Variants in MMP17 observed in about 807,000 individuals in gnomAD.
MMP17 encodes matrix metalloproteinase-17.
In MMP17, 54 loss-of-function variants were observed where a neutral mutation model predicts 49.1. The observed-to-expected ratio is 1.10, with a 90% CI of 0.88 to 1.38. MMP17 has a LOEUF of 1.38. Ranked by LOEUF, MMP17 falls within the 40% of genes most tolerant of loss-of-function variation. MMP17 has a pLI of 0.00. For synonymous variants in MMP17, 397 were observed against 383.1 expected (o/e 1.04, Z -0.42); for missense variants, 837 against 853.7 (o/e 0.98, Z 0.24).
Position 131,840,700 on chromosome 12 carries a change from G to A in MMP17, c.550G>A (p.Asp184Asn), listed in dbSNP as rs577709415. 2.1e-5 allele frequency: 33 copies of A among 1,605,816 alleles called. No homozygotes were observed. The highest frequency in any genetic ancestry group is 3.3e-4 in the Middle Eastern group (2 of 6,062). The stretch of plus-strand genomic sequence containing the variant: ...CCACGAGGTGGCGGGCAGCGCCGCC[G>A]ACATCCAGATCGACTTCTCCAAGGC... ...NFHEVAGSAADIQIDFSKADH... is the reference protein window; with the variant it reads ...NFHEVAGSAANIQIDFSKADH... Residue 184 changes from aspartate to asparagine, a missense_variant, in exon 4 of 10, where the codon GAC (aspartate) becomes AAC (asparagine). Transcript: ENST00000360564.
intron 1 of MMP17, among the ~76,000 whole-genome samples, chr12:131,837,114 A>G (rs537234082): frequency 6.6e-6 from 1 of 152,254 alleles, no homozygotes; most frequent in East Asian, 1.9e-4. Flanking sequence ...GGCCCTTCAG[A>G]GCAGAGCTGT....
chr12:131,840,890 G>C, intron 4 of MMP17, 34 bp downstream of exon 4: 1 of 1,540,596 alleles, frequency 6.5e-7, no homozygotes, highest in Non-Finnish European at 8.7e-7. Context: ...GCAGAGTCAG[G>C]AGCCCCAGCG....
intron 3 of MMP17, chr12:131,840,320 G>T: frequency 2.1e-6 from 1 of 482,342 alleles, no homozygotes; most frequent in Non-Finnish European, 3.7e-6. Context: ...CCACGCGGGA[G>T]CTGACGTTTG....
At position 131,842,888 on chromosome 12, in the gene MMP17, A is replaced by G. The variant is rs553809503; in HGVS notation, c.883+1088A>G. 6.1e-4 allele frequency among the ~76,000 whole-genome samples: 93 copies of G among 151,990 alleles called. No individual in the cohort carries two copies. The Middle Eastern group carries it at 0.031, about 50-fold the overall frequency. ...TGGTTCCAGAACTTTTTCATCACCC[A>G]CTACCACCGAAGGAGACCCGACGCC... On this transcript the variant is annotated intron_variant, in intron 5 of 9. Coordinates refer to ENST00000360564, the MANE Select transcript of MMP17 (RefSeq NM_016155.7).
intron 1 of MMP17, among the ~76,000 whole-genome samples, chr12:131,836,805 A>T (rs921341574): frequency 3.9e-5 from 6 of 152,188 alleles, no homozygotes; most frequent in Non-Finnish European, 7.3e-5. Flanking sequence ...AGGGCAGAGC[A>T]GCAGCTTCAT....
chr12:131,840,138 T>G, intron 3 of MMP17: 2 of 161,674 alleles, frequency 1.2e-5, no homozygotes, highest in Non-Finnish European at 2.7e-5. Context: ...TGGACGTGAA[T>G]TTGGCGGGAC....
At position 131,831,360 on chromosome 12, in the gene MMP17, G is replaced by A. The variant is rs549943556; in HGVS notation, c.159+2707G>A. On this transcript the variant is annotated intron_variant, in intron 1 of 9. Transcript: ENST00000360564. ...TTCTGTAGGAGGTGGGGTGGGGCGG[G>A]GCAGGTGGGGGGTACTGCTGAGGTT... Among the ~76,000 whole-genome samples, 39 of 152,298 alleles carry A rather than the reference G, an allele frequency of 2.6e-4. 1 individual carries two copies. In the South Asian group the frequency reaches 7.7e-3, roughly 30 times the overall value.
chr12:131,838,829 C>G (rs991711852), intron 3 of MMP17, 88 bp downstream of exon 3: 1 of 1,413,158 alleles, frequency 7.1e-7, no homozygotes, highest in Non-Finnish European at 9.4e-7. Context: ...TGGAGGTGGG[C>G]GCGTGGCCAG....
At chr12:131,838,893 G>A in intron 3 of MMP17, 152 bp downstream of exon 3, 1 of 981,690 alleles carries the variant, frequency 1.0e-6, no homozygotes, top group Non-Finnish European at 1.5e-6. Flanking sequence ...TGAGGAACAG[G>A]GTCTCCGTGG....
In MMP17 at chr12:131,851,344, C is replaced by T. The variant is rs999915606; in HGVS notation, c.*70C>T. ...TGGCCACAGAGGGCAAGGACTGTGC[C>T]GGAGTCCCTGGGGGAGGTGCTGGCG... On this transcript the variant is annotated 3_prime_UTR_variant, in exon 10 of 10. Transcript: ENST00000360564. The T allele has an allele frequency of 2.2e-5, 28 of 1,288,570 alleles. No individual in the cohort carries two copies. Among genetic ancestry groups the T allele is most frequent in the Middle Eastern group, 2.8e-4 (1 of 3,526 alleles). 79.8% of individuals were successfully genotyped at this position (1,288,570 alleles called of 1,614,324 possible). A position where few individuals can be genotyped will look rare whatever the true frequency, so the allele number is the denominator to read the frequency against.
intron 5 of MMP17, 38 bp downstream of exon 5, chr12:131,841,838 A>G: frequency 1.3e-6 from 2 of 1,521,628 alleles, no homozygotes; most frequent in East Asian, 4.9e-5. Context: ...GGGCCCCTGG[A>G]AGAGGGGTCA....
Position 131,845,341 on chromosome 12 carries a change from C to T in MMP17, c.1096C>T (p.Leu366=). The change falls in exon 8 of 10, where the codon CTG becomes TTG. Residue 366 remains leucine, a synonymous_variant. Coordinates refer to ENST00000360564, the MANE Select transcript of MMP17 (RefSeq NM_016155.7). ...RLTRDRHLVS[L]QPAQMHRFWR... ...GACGCGGGACCGGCACCTGGTGTCC[C>T]TGCAGCCGGCACAGATGCACCGCTT... 3 of 1,603,992 alleles carry T rather than the reference C, an allele frequency of 1.9e-6. No homozygotes were observed. Among genetic ancestry groups the T allele is most frequent in the Non-Finnish European group, 2.6e-6 (3 of 1,175,396 alleles).
rs1287124125 is a variant in MMP17 at position 131,846,459 on chromosome 12, C to T, written c.1204+1010C>T. ...TGGTGTGATCTCAGCTCACTGCAAC[C>T]TTCACCTCCCAGGTTGCAATTCTCC... On this transcript the variant is annotated intron_variant, in intron 8 of 9. Coordinates refer to ENST00000360564, the MANE Select transcript of MMP17 (RefSeq NM_016155.7). This position sits in a 1 kb window ranked among gnomAD's most constrained non-coding sequence, Gnocchi z 4.6. Among the ~76,000 whole-genome samples, 1 of 152,162 alleles carries T rather than the reference C, an allele frequency of 6.6e-6. No individual in the cohort carries two copies. The highest frequency in any genetic ancestry group is 1.5e-5 in the Non-Finnish European group (1 of 68,024).
At chr12:131,829,221 C>G (rs1471255982) in intron 1 of MMP17, among the ~76,000 whole-genome samples, 2 of 152,302 alleles carry the variant, frequency 1.3e-5, no homozygotes, top group East Asian at 3.9e-4. Context: ...AGCCTCCTTC[C>G]CCTCCACCCC....
rs1217821760 is a variant in MMP17, at chr12:131,845,544, G to A, written c.1204+95G>A. ...GGTCCAGCCTGCGTGTAAGCCCTAC[G>A]TCTGCCCAGAGGCTGGTCGAGCACA... On this transcript the variant is annotated intron_variant, in intron 8 of 9. Transcript: ENST00000360564. 2.3e-5 allele frequency: 33 copies of A among 1,428,072 alleles called. 2 individuals are homozygous for A. The Admixed American group carries it at 4.7e-4, about 20-fold the overall frequency. The allele number at this position is 1,428,072 out of a possible 1,614,324, so 88.5% of individuals were successfully genotyped here. A position where few individuals can be genotyped will look rare whatever the true frequency, so the allele number is the denominator to read the frequency against.
At position 131,851,028 on chromosome 12, in the gene MMP17, G is replaced by A. The variant is rs755303273; in HGVS notation, c.1566G>A (p.Val522=). ...YPQSTARDWL[V]CGDSQADGSV... is the part of the protein sequence containing the mutation. Reference sequence around the variant, plus strand: ...AGTCCACGGCCCGGGACTGGCTGGTGTGTGGAGACTCACAGGCCGATGGAT... The same window carrying A: ...AGTCCACGGCCCGGGACTGGCTGGTATGTGGAGACTCACAGGCCGATGGAT... The change falls in exon 10 of 10, where the codon GTG becomes GTA. Residue 522 remains valine, a synonymous_variant. Transcript: ENST00000360564. 8.1e-5 allele frequency: 131 copies of A among 1,609,034 alleles called. No homozygotes were observed. The highest frequency in any genetic ancestry group is 5.0e-4 in the Middle Eastern group (3 of 6,038).
At position 131,841,971 on chromosome 12, in the gene MMP17, G is replaced by A. The variant is rs560027031; in HGVS notation, c.883+171G>A. The stretch of plus-strand genomic sequence containing the variant: ...CCTGTCCACAGAGCCCACCCCTGAC[G>A]TCCCCAGAGCCCCTAGATCAGAATT... On this transcript the variant is annotated intron_variant, in intron 5 of 9. Coordinates refer to ENST00000360564, the MANE Select transcript of MMP17 (RefSeq NM_016155.7). 2.0e-4 allele frequency among the ~76,000 whole-genome samples: 30 copies of A among 152,282 alleles called. No individual in the cohort carries two copies. In the South Asian group the frequency reaches 5.6e-3, roughly 28 times the overall value.
chr12:131,830,103 C>G (rs1026037973), intron 1 of MMP17, among the ~76,000 whole-genome samples: 6 of 152,228 alleles, frequency 3.9e-5, no homozygotes, highest in African/African-American at 1.4e-4. Flanking sequence ...GGGGCCGGGG[C>G]AATGCCAGGG....
Position 131,844,101 on chromosome 12 carries a change from T to C in MMP17, c.968+20T>C. The C allele has an allele frequency of 6.5e-7, 1 of 1,539,682 alleles. No individual in the cohort carries two copies. Among genetic ancestry groups the C allele is most frequent in the Middle Eastern group, 1.8e-4 (1 of 5,686 alleles). Reference sequence around the variant, plus strand: ...CGCCCCGTAAGCCCTGGGCCCACGGTCACCACCCGCTGGGGTCTGTCTGTC... The same window carrying C: ...CGCCCCGTAAGCCCTGGGCCCACGGCCACCACCCGCTGGGGTCTGTCTGTC... On this transcript the variant is annotated intron_variant, in intron 6 of 9. Coordinates refer to ENST00000360564, the MANE Select transcript of MMP17 (RefSeq NM_016155.7).
Sources: gnomAD v4.1 joint callset for allele counts (sites outside exome capture counted in the v4.1 genomes callset) on GRCh38, gnomAD v4.1.1 for gene constraint, Gnocchi (gnomAD v3.1) non-coding constraint, MANE v1.5 for transcripts, NCBI Gene and HGNC (gene_info 2026-07-23, HGNC 2026-07-21) for gene names.